The following BAZ1A variants were observed in gnomAD, a reference collection of about 807,000 sequenced individuals.
BAZ1A encodes the protein bromodomain adjacent to zinc finger domain protein 1A.
In BAZ1A, 50 loss-of-function variants were observed where a neutral mutation model predicts 185.2. That is an observed-to-expected ratio of 0.27 (90% confidence interval 0.22 to 0.34). BAZ1A has a LOEUF of 0.34. Ranked by LOEUF, BAZ1A falls within the 10% of genes least tolerant of loss-of-function variation. BAZ1A has a pLI of 1.00. For synonymous variants in BAZ1A, 571 were observed against 615.6 expected, an observed-to-expected ratio of 0.93 and a Z score of 1.07; for missense variants, 1,356 against 1,839.9, an observed-to-expected ratio of 0.74 and a Z score of 4.81.
chr14:34,812,971 T>G (rs1343119142), intron 4 of BAZ1A, among the ~76,000 whole-genome samples: 2 of 152,138 alleles, frequency 1.3e-5, no homozygotes, highest in African/African-American at 4.8e-5. Flanking sequence ...TATTTTCTAT[T>G]CTATTAAAGT....
chr14:34,828,636 G>T (rs11844788), intron 3 of BAZ1A: 88,253 of 151,994 alleles, frequency 0.58, 25,840 homozygotes, highest in South Asian at 0.68. Flanking sequence ...TTCATATTCT[G>T]ATGTCAGAAG....
At chr14:34,842,637 G>A (rs752386710) in intron 3 of BAZ1A, among the ~76,000 whole-genome samples, 1 of 152,106 alleles carries the variant, frequency 6.6e-6, no homozygotes, top group Non-Finnish European at 1.5e-5. Context: ...TAAATCGTAC[G>A]TGTTCAATAA....
At chr14:34,792,561 G>A (rs1880920071) in intron 12 of BAZ1A, among the ~76,000 whole-genome samples, 2 of 152,150 alleles carry the variant, frequency 1.3e-5, no homozygotes, top group Middle Eastern at 6.8e-3. Context: ...ATAGACTGAG[G>A]GAAAATATCT....
chr14:34,768,392 A>G (rs1878990965), intron 21 of BAZ1A, among the ~76,000 whole-genome samples: 1 of 152,224 alleles, frequency 6.6e-6, no homozygotes, highest in African/African-American at 2.4e-5. Context: ...ACAGGTAAAC[A>G]TAAGTTCCAC....
At chr14:34,783,692 G>A in intron 15 of BAZ1A, 70 bp downstream of exon 15, 1 of 1,533,064 alleles carries the variant, frequency 6.5e-7, no homozygotes, top group East Asian at 2.3e-5. Flanking sequence ...ATAGCACCAT[G>A]TGAAATATGG....
intron 5 of BAZ1A, 44 bp downstream of exon 5, chr14:34,810,891 A>C (rs756815290): frequency 2.2e-6 from 3 of 1,371,870 alleles, no homozygotes; most frequent in Admixed American, 3.6e-5. Context: ...AACATACATA[A>C]TTATTCTACT....
At position 34,874,100 on chromosome 14, in the gene BAZ1A, A is replaced by T. The variant is rs1374427575; in HGVS notation, c.113+392T>A. Among the ~76,000 whole-genome samples the T allele has an allele frequency of 1.3e-5, 2 of 151,552 alleles. No individual in the cohort carries two copies. Among genetic ancestry groups the T allele is most frequent in the South Asian group, 4.2e-4 (2 of 4,758 alleles). On this transcript the variant is annotated intron_variant, in intron 2 of 26. Transcript: ENST00000360310. This position sits in a 1 kb window ranked among gnomAD's most constrained non-coding sequence, Gnocchi z 4.7. ...CCCCACGTCGCTGACCCTAGCGGGGATCCCCTCGGCCGCCGGGAGGGGATC... is the reference window on the plus strand; with the variant it reads ...CCCCACGTCGCTGACCCTAGCGGGGTTCCCCTCGGCCGCCGGGAGGGGATC...
chr14:34,753,735 ATG>A, intron 26 of BAZ1A, 31 bp from the exon 27 acceptor site: 1 of 1,468,564 alleles, frequency 6.8e-7, no homozygotes, highest in Non-Finnish European at 9.2e-7. Flanking sequence ...AAAGATTAGA[ATG>A]AAAGTACATA....
intron 3 of BAZ1A, among the ~76,000 whole-genome samples, chr14:34,828,193 T>TAGAATGGGAGGAAGGAGAATGG: frequency 6.8e-6 from 1 of 147,506 alleles, no homozygotes; most frequent in Non-Finnish European, 1.5e-5. Flanking sequence ...CTCCGGAGGC[T>TAGAATGGGAGGAAGGAGAATGG]GAGGAAGGAG....
chr14:34,816,832 T>G (rs1184742963), intron 4 of BAZ1A: 2 of 451,012 alleles, frequency 4.4e-6, no homozygotes, highest in Non-Finnish European at 8.9e-6. Context: ...ATCAACTTCA[T>G]TATTTGGCTG....
At position 34,833,235 on chromosome 14, in the gene BAZ1A, A is replaced by C. The variant is rs532454974; in HGVS notation, c.393-7079T>G. 5.9e-5 allele frequency among the ~76,000 whole-genome samples: 9 copies of C among 152,128 alleles called. No individual in the cohort carries two copies. The South Asian group carries it at 1.9e-3, about 32-fold the overall frequency. ...CTCAAAGAAAAACAAACAAACAAAA[A>C]ACCCCAAGCTTGGCTGGGTGTGGTG... On this transcript the variant is annotated intron_variant, in intron 3 of 26. Transcript: ENST00000360310.
intron 3 of BAZ1A, among the ~76,000 whole-genome samples, chr14:34,832,211 C>CATATATATATATATATATAT (rs1181710627): frequency 7.5e-4 from 49 of 65,482 alleles, no homozygotes; most frequent in Middle Eastern, 9.3e-3. Context: ...CACACACACA[C>CATATATATATATATATATAT]ACACATATAT....
rs567245313 is a variant in BAZ1A, at chr14:34,837,229, T to C, written c.393-11073A>G. 9.2e-5 allele frequency among the ~76,000 whole-genome samples: 14 copies of C among 151,934 alleles called. No homozygotes were observed. In the Middle Eastern group the frequency reaches 0.01, roughly 111 times the overall value. On this transcript the variant is annotated intron_variant, in intron 3 of 26. Transcript: ENST00000360310. ...AGACTAAATCCATTATTAAAAGATA[T>C]ATATAATACTAATAAGTCTCTTTTT...
intron 17 of BAZ1A, among the ~76,000 whole-genome samples, chr14:34,777,312 A>G (rs1879695734): frequency 6.6e-6 from 1 of 152,244 alleles, no homozygotes; most frequent in Non-Finnish European, 1.5e-5. Context: ...ATTTTCACTT[A>G]TCACAAAGTA....
intron 2 of BAZ1A, among the ~76,000 whole-genome samples, chr14:34,870,306 T>C (rs1032292933): frequency 5.3e-4 from 80 of 152,322 alleles, no homozygotes; most frequent in African/African-American, 1.8e-3. Context: ...TGGATCCAAG[T>C]ATCAGGACAA....
chr14:34,783,622 T>G, intron 15 of BAZ1A, 140 bp downstream of exon 15: 1 of 1,127,176 alleles, frequency 8.9e-7, no homozygotes. Context: ...CCACCACACC[T>G]GGCCTCATTC....
At chr14:34,824,211 A>AT (rs2042128382) in intron 4 of BAZ1A, among the ~76,000 whole-genome samples, 3 of 149,978 alleles carry the variant, frequency 2.0e-5, no homozygotes, top group African/African-American at 7.3e-5. Context: ...AAAAAAAAAA[A>AT]AAAAAATTAA....
chr14:34,865,120 A>AG, intron 2 of BAZ1A, among the ~76,000 whole-genome samples: 1 of 152,180 alleles, frequency 6.6e-6, no homozygotes, highest in Admixed American at 6.5e-5. Context: ...TGGTAGCATG[A>AG]GCCTGTAATT....
chr14:34,828,118 C>A (rs1046344888), intron 3 of BAZ1A, among the ~76,000 whole-genome samples: 6 of 151,630 alleles, frequency 4.0e-5, no homozygotes, highest in Non-Finnish European at 7.4e-5. Context: ...TGGAGAAACC[C>A]TGTCTCTAGT....
Sources: gnomAD v4.1 joint callset for allele counts (sites outside exome capture counted in the v4.1 genomes callset) on GRCh38, gnomAD v4.1.1 for gene constraint, Gnocchi (gnomAD v3.1) non-coding constraint, MANE v1.5 for transcripts, NCBI Gene and HGNC (gene_info 2026-07-23, HGNC 2026-07-21) for gene names.